The following DYNLL2 variants were observed in gnomAD, a reference collection of about 807,000 sequenced individuals.
The protein encoded by DYNLL2 is dynein light chain LC8-type 2.
DYNLL2 carries 1 observed loss-of-function variant against 9.7 expected under a neutral mutation model. The ratio of observed to expected loss-of-function variants is 0.10; its 90% CI spans 0.04 to 0.49. DYNLL2 has a LOEUF of 0.49. Among genes scored for constraint, DYNLL2 ranks in the 20% least tolerant of loss-of-function variants. The pLI, the probability that DYNLL2 is intolerant of heterozygous loss-of-function variation, is 0.95. For missense variants in DYNLL2, 37 were observed against 115.2 expected (o/e 0.32, Z 3.11); for synonymous variants, 35 against 40.5 (o/e 0.86, Z 0.52).
At chr17:58,086,297 G>A (rs75329058) in intron 1 of DYNLL2, among the ~76,000 whole-genome samples, 4,810 of 152,284 alleles carry the variant, frequency 0.032, 121 homozygotes, top group South Asian at 0.063. Flanking sequence ...GGCTTTGCAG[G>A]CCAAATAGTT....
In DYNLL2 at chr17:58,089,409, C is replaced by G; in HGVS notation, c.*130C>G. The stretch of plus-strand genomic sequence containing the variant: ...GCTGTGCTACTGCATGGACTGTATA[C>G]TCGATTTCATGTGTATGTCGCAGTA... On this transcript the variant is annotated 3_prime_UTR_variant, in exon 3 of 3. Transcript: ENST00000579991. The G allele has an allele frequency of 8.1e-7, 1 of 1,234,120 alleles. No homozygotes were observed. Among genetic ancestry groups the G allele is most frequent in the East Asian group, 2.5e-5 (1 of 40,424 alleles). The allele number at this position is 1,234,120 out of a possible 1,614,324, so 76.4% of individuals were successfully genotyped here. A position where few individuals can be genotyped will look rare whatever the true frequency, so the allele number is the denominator to read the frequency against.
At chr17:58,085,406 A>G (rs2075756094) in intron 1 of DYNLL2, among the ~76,000 whole-genome samples, 1 of 152,146 alleles carries the variant, frequency 6.6e-6, no homozygotes, top group African/African-American at 2.4e-5. Flanking sequence ...GAATGATACC[A>G]AGGATATGTC....
At chr17:58,088,187 T>C (rs2075767354) in intron 2 of DYNLL2, among the ~76,000 whole-genome samples, 1 of 152,214 alleles carries the variant, frequency 6.6e-6, no homozygotes, top group African/African-American at 2.4e-5. Context: ...CCAGATTTTC[T>C]GGTCTGCGCT....
intron 2 of DYNLL2, among the ~76,000 whole-genome samples, chr17:58,088,615 C>T (rs564618791): frequency 4.6e-5 from 7 of 152,290 alleles, no homozygotes; most frequent in South Asian, 4.1e-4. Context: ...GCATGGCACA[C>T]GGGAATGCCT....
Position 58,089,717 on chromosome 17 carries a change from G to A in DYNLL2, c.*438G>A, listed in dbSNP as rs1030691422. Reference sequence around the variant, plus strand: ...GTGGATGCTGCTTTGGGAGGGCCAGGGAGGCTGCAGGGGGACAGTGTTGGG... The same window carrying A: ...GTGGATGCTGCTTTGGGAGGGCCAGAGAGGCTGCAGGGGGACAGTGTTGGG... On this transcript the variant is annotated 3_prime_UTR_variant, in exon 3 of 3. Transcript: ENST00000579991. 1 of 407,340 alleles carries A rather than the reference G, an allele frequency of 2.5e-6. No homozygotes were observed. The highest frequency in any genetic ancestry group is 4.3e-6 in the Non-Finnish European group (1 of 233,042). The allele number at this position is 407,340 out of a possible 1,614,324, so 25.2% of individuals were successfully genotyped here.
At position 58,089,330 on chromosome 17, in the gene DYNLL2, G is replaced by T; in HGVS notation, c.*51G>T. On this transcript the variant is annotated 3_prime_UTR_variant, in exon 3 of 3. Transcript: ENST00000579991. Reference sequence around the variant, plus strand: ...CGGCGGCAGCGATGGCAAGCAGGCGGCGTTGCTGGGACTGTTTTGCACTGG... The same window carrying T: ...CGGCGGCAGCGATGGCAAGCAGGCGTCGTTGCTGGGACTGTTTTGCACTGG... 1.9e-6 allele frequency: 3 copies of T among 1,602,126 alleles called. No homozygotes were observed. Among genetic ancestry groups the T allele is most frequent in the South Asian group, 1.1e-5 (1 of 89,838 alleles).
At position 58,091,308 on chromosome 17, in the gene DYNLL2, C is replaced by T. The variant is rs1348185002; in HGVS notation, c.*2029C>T. On this transcript the variant is annotated 3_prime_UTR_variant, in exon 3 of 3. Transcript: ENST00000579991. ...CACAGTGGGTGAGGGTGGAGAGTCT[C>T]CAGGGTGGAATAGAATGGGGACTGA... is the stretch of plus-strand genomic sequence containing the variant. 1 of 152,214 alleles carries T rather than the reference C, an allele frequency of 6.6e-6. No individual in the cohort carries two copies. Among genetic ancestry groups the T allele is most frequent in the Non-Finnish European group, 1.5e-5 (1 of 68,216 alleles). The allele number at this position is 152,214 out of a possible 1,614,324, so 9.4% of individuals were successfully genotyped here. A position where few individuals can be genotyped will look rare whatever the true frequency, so the allele number is the denominator to read the frequency against.
intron 1 of DYNLL2, among the ~76,000 whole-genome samples, chr17:58,084,815 C>T (rs2075752803): frequency 1.3e-5 from 2 of 151,718 alleles, no homozygotes; most frequent in African/African-American, 2.4e-5. Context: ...TAACCAGGCC[C>T]CACCCCCACC....
At chr17:58,088,416 G>A (rs2143596520) in intron 2 of DYNLL2, among the ~76,000 whole-genome samples, 1 of 152,326 alleles carries the variant, frequency 6.6e-6, no homozygotes, top group East Asian at 1.9e-4. Flanking sequence ...CATGGTGGAG[G>A]GCTGCTGCCC....
In DYNLL2 at chr17:58,090,370, C is replaced by T. The variant is rs1202381825; in HGVS notation, c.*1091C>T. The stretch of plus-strand genomic sequence containing the variant: ...CTAAGTGGGCTTTTATGCTAAAAGC[C>T]TCTGGGGATATCTGTTTTGAAAATA... On this transcript the variant is annotated 3_prime_UTR_variant, in exon 3 of 3. Coordinates refer to ENST00000579991, the MANE Select transcript of DYNLL2 (RefSeq NM_080677.3). 6.5e-6 allele frequency: 1 copy of T among 153,418 alleles called. No individual in the cohort carries two copies. Among genetic ancestry groups the T allele is most frequent in the African/African-American group, 2.4e-5 (1 of 41,326 alleles). The allele number at this position is 153,418 out of a possible 1,614,324, so 9.5% of individuals were successfully genotyped here.
rs546728892 is a variant in DYNLL2, at chr17:58,086,469, G to C, written c.-9-613G>C. On this transcript the variant is annotated intron_variant, in intron 1 of 2. Coordinates refer to ENST00000579991, the MANE Select transcript of DYNLL2 (RefSeq NM_080677.3). ...TCAGTTAATCTTTACAACAACTCGC[G>C]ATAGAGAGCTATCCTCACCTGCTAA... Among the ~76,000 whole-genome samples, 4 of 152,170 alleles carry C rather than the reference G, an allele frequency of 2.6e-5. 1 individual carries two copies. The East Asian group carries it at 7.7e-4, about 29-fold the overall frequency.
rs2075774159 is a variant in DYNLL2, at chr17:58,089,940, C to G, written c.*661C>G. Reference sequence around the variant, plus strand: ...TGTCTTGCTGTCTTTGTCAGAATTTCTAAGTAAGGGCTGTGTCTTTGTGGA... The same window carrying G: ...TGTCTTGCTGTCTTTGTCAGAATTTGTAAGTAAGGGCTGTGTCTTTGTGGA... On this transcript the variant is annotated 3_prime_UTR_variant, in exon 3 of 3. Coordinates refer to ENST00000579991, the MANE Select transcript of DYNLL2 (RefSeq NM_080677.3). 2 of 398,608 alleles carry G rather than the reference C, an allele frequency of 5.0e-6. No individual in the cohort carries two copies. The highest frequency in any genetic ancestry group is 8.8e-6 in the Non-Finnish European group (2 of 226,168). 24.7% of individuals were successfully genotyped at this position (398,608 alleles called of 1,614,324 possible). A position where few individuals can be genotyped will look rare whatever the true frequency, so the allele number is the denominator to read the frequency against.
chr17:58,089,050 G>A lies in DYNLL2; in HGVS notation c.133-92G>A, dbSNP rs574134379. On this transcript the variant is annotated intron_variant, in intron 2 of 2. Transcript: ENST00000579991. ...GGGGGTGATAACAACCAAACGTGTC[G>A]GTGCTGGAGTTGCAGGGAGAGACTC... is the stretch of plus-strand genomic sequence containing the variant. 2.3e-5 allele frequency: 35 copies of A among 1,501,946 alleles called. No individual in the cohort carries two copies. The African/African-American group carries it at 3.2e-4, about 14-fold the overall frequency. 93.0% of individuals were successfully genotyped at this position (1,501,946 alleles called of 1,614,324 possible).
In DYNLL2 at chr17:58,083,458, A is replaced by AGCGGGCGAGCGGGCGAGCGG. The variant is rs570913538; in HGVS notation, c.-228_-227insAGCGGGCGAGCGGGCGGGCG. The stretch of plus-strand genomic sequence containing the variant: ...GCGGAGCTGTGAGGCGCCAGTGCGG[A>AGCGGGCGAGCGGGCGAGCGG]GCGGGCGGGCGGGCGGGCGGCGTGA... On this transcript the variant is annotated 5_prime_UTR_variant, in exon 1 of 3. Coordinates refer to ENST00000579991, the MANE Select transcript of DYNLL2 (RefSeq NM_080677.3). 3.0e-5 allele frequency: 4 copies of AGCGGGCGAGCGGGCGAGCGG among 131,906 alleles called. No homozygotes were observed. The highest frequency in any genetic ancestry group is 1.1e-4 in the African/African-American group (4 of 35,596). 8.2% of individuals were successfully genotyped at this position (131,906 alleles called of 1,614,324 possible). A position where few individuals can be genotyped will look rare whatever the true frequency, so the allele number is the denominator to read the frequency against.
chr17:58,090,114 A>G lies in DYNLL2; in HGVS notation c.*835A>G. The G allele has an allele frequency of 2.6e-6, 1 of 391,902 alleles. No homozygotes were observed. The highest frequency in any genetic ancestry group is 4.5e-6 in the Non-Finnish European group (1 of 222,482). The allele number at this position is 391,902 out of a possible 1,614,324, so 24.3% of individuals were successfully genotyped here. A position where few individuals can be genotyped will look rare whatever the true frequency, so the allele number is the denominator to read the frequency against. On this transcript the variant is annotated 3_prime_UTR_variant, in exon 3 of 3. Transcript: ENST00000579991. ...CATTCCTCTGGAGTTCTCTTAGAGCAGCCCCTGTTGTTAGTTGGCTGGCAA... is the reference window on the plus strand; with the variant it reads ...CATTCCTCTGGAGTTCTCTTAGAGCGGCCCCTGTTGTTAGTTGGCTGGCAA...
rs1171546700 is a variant in DYNLL2, at chr17:58,089,204, C to T, written c.195C>T (p.Tyr65=). ...TCGTGGGCCGAAATTTTGGCAGCTA[C>T]GTCACACACGAGACAAAGCACTTCA... ...HCIVGRNFGS[Y]VTHETKHFIY... Residue 65 remains tyrosine (Y), a synonymous_variant, in exon 3 of 3, where the codon TAC becomes TAT. Coordinates refer to ENST00000579991, the MANE Select transcript of DYNLL2 (RefSeq NM_080677.3). 4 of 1,614,106 alleles carry T rather than the reference C, an allele frequency of 2.5e-6. No individual in the cohort carries two copies. The highest frequency in any genetic ancestry group is 1.7e-6 in the Non-Finnish European group (2 of 1,179,992).
chr17:58,089,022 G>A, intron 2 of DYNLL2, 120 bp from the exon 3 acceptor site: 1 of 1,249,408 alleles, frequency 8.0e-7, no homozygotes, highest in Non-Finnish European at 1.1e-6. Flanking sequence ...TGAGGGATGG[G>A]GTGGGGGTGA....
chr17:58,084,675 C>A (rs763964410), intron 1 of DYNLL2, among the ~76,000 whole-genome samples: 1 of 152,202 alleles, frequency 6.6e-6, no homozygotes. Context: ...ACCGCAGGCT[C>A]TTTCCTGGAG....
intron 1 of DYNLL2, 101 bp from the exon 2 acceptor site, chr17:58,086,981 C>T: frequency 6.9e-6 from 10 of 1,443,030 alleles, no homozygotes; most frequent in Non-Finnish European, 9.5e-6. Context: ...TTGCCCTCAC[C>T]TTCTATACTC....
Sources: gnomAD v4.1 joint callset for allele counts (sites outside exome capture counted in the v4.1 genomes callset) on GRCh38, gnomAD v4.1.1 for gene constraint, MANE v1.5 for transcripts, NCBI Gene and HGNC (gene_info 2026-07-23, HGNC 2026-07-21) for gene names.